RNF168: variants seen among roughly 807,000 people sequenced by gnomAD.
The protein encoded by RNF168 is ring finger protein 168, also known as E3 ubiquitin-protein ligase RNF168.
In RNF168, 34 loss-of-function variants were observed where a neutral mutation model predicts 34.9. The ratio of observed to expected loss-of-function variants is 0.97; its 90% CI spans 0.74 to 1.30. The LOEUF is 1.30. RNF168 is among the 50% of genes most tolerant of loss of function. The probability of loss-of-function intolerance (pLI) is 0.00; values close to 1 mark genes in which losing one functional copy is unlikely to be tolerated. For synonymous variants in RNF168, 264 were observed against 254.7 expected, an observed-to-expected ratio of 1.04 and a Z score of -0.35; for missense variants, 725 against 682.5, an observed-to-expected ratio of 1.06 and a Z score of -0.69.
At chr3:196,499,837 G>A (rs549350057) in intron 1 of RNF168, among the ~76,000 whole-genome samples, 52 of 152,284 alleles carry the variant, frequency 3.4e-4, no homozygotes, top group Non-Finnish European at 3.1e-4. Context: ...ATGAGCACAG[G>A]ATTTGAATAG....
In RNF168 at chr3:196,502,883, T is replaced by C; in HGVS notation, c.291A>G (p.Ser97=). 1 of 1,614,044 alleles carries C rather than the reference T, an allele frequency of 6.2e-7. No individual in the cohort carries two copies. The change falls in exon 1 of 6, where the codon TCA becomes TCG. Residue 97 remains serine (S), a synonymous_variant. Coordinates refer to ENST00000318037, the MANE Select transcript of RNF168 (RefSeq NM_152617.4). ...CCATGGTTTACTCACCCACTTCCTCTGATTCTTGGCCAGACGCTCTAAGCT... is the reference window on the plus strand; with the variant it reads ...CCATGGTTTACTCACCCACTTCCTCCGATTCTTGGCCAGACGCTCTAAGCT... ...ECKLRASGQE[S]EEVADDYQPV... is the part of the protein sequence containing the mutation.
At chr3:196,475,521 AG>A (rs1246191154) in intron 4 of RNF168, 19 of 541,316 alleles carry the variant, frequency 3.5e-5, no homozygotes, top group African/African-American at 3.1e-4. Flanking sequence ...AAAACAGAAA[AG>A]GAAGTAAAAG....
Position 196,488,648 on chromosome 3 carries a change from G to C in RNF168, c.337C>G (p.Pro113Ala), listed in dbSNP as rs1732516130. The C allele has an allele frequency of 6.2e-7, 1 of 1,609,048 alleles. No homozygotes were observed. The change falls in exon 2 of 6, where the codon CCT becomes GCT. Residue 113 changes from proline (P) to alanine (A), a missense_variant. By Grantham distance (27) the Pro-to-Ala change is conservative. Transcript: ENST00000318037. ...DYQPVRLLSK[P>A]GELRREYEEE... ...TCATATTCTCTTCTCAGTTCCCCAG[G>C]TTTACTGAGCAGACGAACTGGCTGA...
chr3:196,501,739 G>A (rs1299135751), intron 1 of RNF168, among the ~76,000 whole-genome samples: 1 of 151,926 alleles, frequency 6.6e-6, no homozygotes, highest in Non-Finnish European at 1.5e-5. Context: ...TAAAAATAAC[G>A]CAATATACCA....
intron 1 of RNF168, among the ~76,000 whole-genome samples, chr3:196,497,405 C>G (rs1287958378): frequency 3.3e-5 from 5 of 152,132 alleles, no homozygotes; most frequent in African/African-American, 9.7e-5. Context: ...GACACAGTGG[C>G]TCACACCTGT....
At chr3:196,479,088 G>A (rs1732224085) in intron 4 of RNF168, among the ~76,000 whole-genome samples, 2 of 149,688 alleles carry the variant, frequency 1.3e-5, no homozygotes, top group South Asian at 4.2e-4. Context: ...TCAGCTCACT[G>A]CAACCTCCAC....
intron 4 of RNF168, among the ~76,000 whole-genome samples, chr3:196,476,182 A>G (rs1437028129): frequency 6.6e-6 from 1 of 152,092 alleles, no homozygotes. Context: ...AATTCTTGAA[A>G]AAAGCTTAAA....
chr3:196,484,171 C>CTTTTTTT (rs71699491), intron 3 of RNF168, among the ~76,000 whole-genome samples: 1,500 of 119,366 alleles, frequency 0.013, 89 homozygotes, highest in African/African-American at 0.034. Flanking sequence ...TCTTTCTTTC[C>CTTTTTTT]TTTTTTTTTT....
In RNF168 at chr3:196,470,174, G is replaced by C. The variant is rs1294497320; in HGVS notation, c.*1645C>G. 1 of 147,970 alleles carries C rather than the reference G, an allele frequency of 6.8e-6. No homozygotes were observed. The highest frequency in any genetic ancestry group is 1.5e-5 in the Non-Finnish European group (1 of 67,370). The allele number at this position is 147,970 out of a possible 1,614,324, so 9.2% of individuals were successfully genotyped here. On this transcript the variant is annotated 3_prime_UTR_variant, in exon 6 of 6. Transcript: ENST00000318037. ...CCCCATCCAGCCTCATCCTCATCTGGACCCATTTCTCACCACCCAATCAGT... is the reference window on the plus strand; with the variant it reads ...CCCCATCCAGCCTCATCCTCATCTGCACCCATTTCTCACCACCCAATCAGT...
chr3:196,483,789 T>G lies in RNF168; in HGVS notation c.661A>C (p.Asn221His). The change falls in exon 4 of 6, where the codon AAC becomes CAC. Residue 221 changes from asparagine to histidine, a missense_variant. Coordinates refer to ENST00000318037, the MANE Select transcript of RNF168 (RefSeq NM_152617.4). ...ACTTACTTCTGAATATCTCCAGTGT[T>G]TCTTTGTTTGTTCTTACTTTTCTTT... ...SEKKSKNKQR[N>H]TGDIQKYLTP... 6.2e-7 allele frequency: 1 copy of G among 1,611,752 alleles called. No individual in the cohort carries two copies. The highest frequency in any genetic ancestry group is 1.1e-5 in the South Asian group (1 of 91,022).
intron 1 of RNF168, among the ~76,000 whole-genome samples, chr3:196,498,400 G>A (rs556894926): frequency 2.6e-5 from 4 of 151,970 alleles, no homozygotes; most frequent in Admixed American, 6.6e-5. Flanking sequence ...TGATCCACCC[G>A]CCTCGGCCTC....
At chr3:196,501,908 A>G (rs1268932975) in intron 1 of RNF168, among the ~76,000 whole-genome samples, 3 of 152,216 alleles carry the variant, frequency 2.0e-5, no homozygotes, top group African/African-American at 4.8e-5. Flanking sequence ...CACTTTTAGT[A>G]GGTGAATTGT....
At chr3:196,487,665 A>C (rs1732490720) in intron 2 of RNF168, 87 bp from the exon 3 acceptor site, 1 of 1,293,442 alleles carries the variant, frequency 7.7e-7, no homozygotes, top group African/African-American at 1.5e-5. Context: ...AAAGTAGAAA[A>C]AGAACAAATT....
At chr3:196,497,071 G>A (rs1419237922) in intron 1 of RNF168, among the ~76,000 whole-genome samples, 3 of 152,022 alleles carry the variant, frequency 2.0e-5, no homozygotes, top group African/African-American at 4.8e-5. Flanking sequence ...GCTTGAACCT[G>A]GGAGGCAGAG....
At chr3:196,500,812 C>A (rs894490906) in intron 1 of RNF168, among the ~76,000 whole-genome samples, 2 of 151,848 alleles carry the variant, frequency 1.3e-5, no homozygotes, top group Non-Finnish European at 2.9e-5. Context: ...CCCGGGTTCA[C>A]GCCATTCTCC....
At chr3:196,499,147 A>C (rs747640032) in intron 1 of RNF168, among the ~76,000 whole-genome samples, 1 of 152,154 alleles carries the variant, frequency 6.6e-6, no homozygotes, top group Non-Finnish European at 1.5e-5. Flanking sequence ...CAGAGCCTTT[A>C]ATCCAATATA....
At chr3:196,491,891 G>A (rs1466927074) in intron 1 of RNF168, among the ~76,000 whole-genome samples, 1 of 152,206 alleles carries the variant, frequency 6.6e-6, no homozygotes, top group Non-Finnish European at 1.5e-5. Flanking sequence ...CCAAAGGACA[G>A]ACACTGTGTG....
At chr3:196,496,684 TTAG>T (rs1184309148) in intron 1 of RNF168, among the ~76,000 whole-genome samples, 1 of 152,208 alleles carries the variant, frequency 6.6e-6, no homozygotes, top group Non-Finnish European at 1.5e-5. Context: ...TAACAGGCTG[TTAG>T]TAGAAACTGG....
intron 5 of RNF168, chr3:196,474,980 C>A: frequency 2.2e-6 from 1 of 461,618 alleles, no homozygotes; most frequent in East Asian, 4.2e-5. Flanking sequence ...TGACACAGAT[C>A]ACACTAACTG....
Sources: gnomAD v4.1 joint callset for allele counts (sites outside exome capture counted in the v4.1 genomes callset) on GRCh38, gnomAD v4.1.1 for gene constraint, MANE v1.5 for transcripts, NCBI Gene and HGNC (gene_info 2026-07-23, HGNC 2026-07-21) for gene names.